TMEM132C: variants seen among roughly 807,000 people sequenced by gnomAD.
The protein encoded by TMEM132C is transmembrane protein 132C.
A neutral mutation model predicts 61.4 loss-of-function variants in TMEM132C; 29 were observed. The ratio of observed to expected loss-of-function variants is 0.47; its 90% CI spans 0.35 to 0.64. The LOEUF is 0.64. TMEM132C is among the 30% of genes least tolerant of loss of function. TMEM132C has a pLI of 0.00. For synonymous variants in TMEM132C, 656 were observed against 633.1 expected (o/e 1.04, Z -0.54); for missense variants, 1,408 against 1,476.9 (o/e 0.95, Z 0.76).
chr12:128,459,547 G>T (rs1870460526), intron 2 of TMEM132C, among the ~76,000 whole-genome samples: 1 of 152,106 alleles, frequency 6.6e-6, no homozygotes, highest in African/African-American at 2.4e-5. Flanking sequence ...GGTGTCATTG[G>T]TGAAAATAAG....
chr12:128,482,522 A>T (rs561262963), intron 2 of TMEM132C, among the ~76,000 whole-genome samples: 1 of 152,018 alleles, frequency 6.6e-6, no homozygotes, highest in Non-Finnish European at 1.5e-5. Context: ...CTCTTTTTCT[A>T]TTGTTTGGAA....
At chr12:128,369,654 A>G (rs1873970801) in intron 1 of TMEM132C, among the ~76,000 whole-genome samples, 1 of 152,172 alleles carries the variant, frequency 6.6e-6, no homozygotes, top group Admixed American at 6.5e-5. Flanking sequence ...CACAGTTATC[A>G]CTCAAAATGA....
At chr12:128,408,270 C>T (rs749589839) in intron 1 of TMEM132C, among the ~76,000 whole-genome samples, 5 of 152,200 alleles carry the variant, frequency 3.3e-5, no homozygotes, top group South Asian at 4.1e-4. Context: ...TAAAAGCAAA[C>T]GGGTTTCCTT....
chr12:128,395,057 A>G (rs1046675665), intron 1 of TMEM132C, among the ~76,000 whole-genome samples: 20 of 151,968 alleles, frequency 1.3e-4, no homozygotes, highest in East Asian at 3.9e-4. Flanking sequence ...GTGTGAGTAC[A>G]TATTTACACA....
At chr12:128,567,836 CT>C (rs1362198681) in intron 3 of TMEM132C, among the ~76,000 whole-genome samples, 4 of 152,200 alleles carry the variant, frequency 2.6e-5, no homozygotes, top group Non-Finnish European at 5.9e-5. Context: ...AGGTTCTAGG[CT>C]ACAATGCCTG....
At chr12:128,613,725 A>G (rs922527258) in intron 3 of TMEM132C, among the ~76,000 whole-genome samples, 26 of 152,240 alleles carry the variant, frequency 1.7e-4, no homozygotes, top group African/African-American at 5.1e-4. Flanking sequence ...CCTTCCCGTT[A>G]TATCCTTCCC....
At chr12:128,455,521 T>A (rs1271518306) in intron 2 of TMEM132C, among the ~76,000 whole-genome samples, 5 of 152,238 alleles carry the variant, frequency 3.3e-5, no homozygotes, top group African/African-American at 7.2e-5. Flanking sequence ...GAAACACCCT[T>A]TCTCCCACTG....
At chr12:128,676,230 A>G (rs1954585451) in intron 5 of TMEM132C, among the ~76,000 whole-genome samples, 3 of 152,162 alleles carry the variant, frequency 2.0e-5, no homozygotes, top group South Asian at 4.1e-4. Flanking sequence ...AACGCACAGA[A>G]TACTCTTGAG....
intron 3 of TMEM132C, among the ~76,000 whole-genome samples, chr12:128,610,680 G>A (rs529202220): frequency 6.6e-6 from 1 of 152,286 alleles, no homozygotes; most frequent in East Asian, 1.9e-4. Context: ...TCAAGGCAAA[G>A]CTTAGCAAAT....
At chr12:128,343,616 C>T (rs1051911233) in intron 1 of TMEM132C, among the ~76,000 whole-genome samples, 8 of 152,050 alleles carry the variant, frequency 5.3e-5, no homozygotes, top group African/African-American at 1.9e-4. Context: ...ACATAATTTA[C>T]ATGCATAAAA....
At chr12:128,546,124 A>G (rs1054035956) in intron 3 of TMEM132C, among the ~76,000 whole-genome samples, 6 of 152,202 alleles carry the variant, frequency 3.9e-5, no homozygotes, top group Admixed American at 2.6e-4. Flanking sequence ...AACCGTCACC[A>G]TCATTACCCC....
At chr12:128,541,087 C>A (rs996012474) in intron 2 of TMEM132C, among the ~76,000 whole-genome samples, 5 of 151,876 alleles carry the variant, frequency 3.3e-5, no homozygotes, top group African/African-American at 9.7e-5. Context: ...GTTCCCATGA[C>A]CTCATCCTCA....
At position 128,630,294 on chromosome 12, in the gene TMEM132C, A is replaced by G. The variant is rs1454380225; in HGVS notation, c.1305+13959A>G. Among the ~76,000 whole-genome samples the G allele has an allele frequency of 6.6e-6, 1 of 152,144 alleles. No homozygotes were observed. The highest frequency in any genetic ancestry group is 1.5e-5 in the Non-Finnish European group (1 of 68,014). ...CGGCCCATGAGGGTCACTAGGGGGCAGGGGCTGGAGCTTCTGGCCACATCC... is the reference window on the plus strand; with the variant it reads ...CGGCCCATGAGGGTCACTAGGGGGCGGGGGCTGGAGCTTCTGGCCACATCC... On this transcript the variant is annotated intron_variant, in intron 4 of 8. Coordinates refer to ENST00000435159, the MANE Select transcript of TMEM132C (RefSeq NM_001136103.3). This position sits in a 1 kb window ranked among gnomAD's most constrained non-coding sequence, Gnocchi z 4.3.
chr12:128,283,895 C>G (rs1358145955), intron 1 of TMEM132C, among the ~76,000 whole-genome samples: 1 of 152,178 alleles, frequency 6.6e-6, no homozygotes, highest in African/African-American at 2.4e-5. Context: ...CACTGTCTGC[C>G]TTGCTGGGCC....
chr12:128,494,679 G>A (rs1424808496), intron 2 of TMEM132C, among the ~76,000 whole-genome samples: 1 of 151,964 alleles, frequency 6.6e-6, no homozygotes, highest in Non-Finnish European at 1.5e-5. Flanking sequence ...TATTTCTGTG[G>A]GATCGGTGGT....
At chr12:128,348,548 T>C (rs1327565504) in intron 1 of TMEM132C, among the ~76,000 whole-genome samples, 1 of 152,232 alleles carries the variant, frequency 6.6e-6, no homozygotes, top group Non-Finnish European at 1.5e-5. Flanking sequence ...CTATGAAGTA[T>C]GATGGCAGCT....
rs1473872323 is a variant in TMEM132C, at chr12:128,697,320, G to A, written c.2026G>A (p.Ala676Thr). The change falls in exon 8 of 9, where the codon GCT becomes ACT. Residue 676 changes from alanine to threonine, a missense_variant. Physicochemically the swap from Ala to Thr is moderately conservative, Grantham distance 58. Coordinates refer to ENST00000435159, the MANE Select transcript of TMEM132C (RefSeq NM_001136103.3). ...SVTDLAIQLVAGLSVALYPNA... is the reference protein window; with the variant it reads ...SVTDLAIQLVTGLSVALYPNA... ...GACAGACTTGGCCATCCAGCTCGTG[G>A]CTGGGCTGTCTGTCGCCCTTTACCC... 2 of 1,551,226 alleles carry A rather than the reference G, an allele frequency of 1.3e-6. No individual in the cohort carries two copies. The highest frequency in any genetic ancestry group is 1.7e-6 in the Non-Finnish European group (2 of 1,146,718).
At chr12:128,650,685 T>A (rs1371574678) in intron 4 of TMEM132C, among the ~76,000 whole-genome samples, 1 of 151,906 alleles carries the variant, frequency 6.6e-6, no homozygotes, top group South Asian at 2.1e-4. Flanking sequence ...GCAGTGAACT[T>A]TTTTGCCACT....
At chr12:128,463,382 G>A (rs776945929) in intron 2 of TMEM132C, among the ~76,000 whole-genome samples, 2 of 152,010 alleles carry the variant, frequency 1.3e-5, no homozygotes, top group Admixed American at 1.3e-4. Context: ...GCAATGACGC[G>A]ATCTCAGCTC....
Sources: gnomAD v4.1 joint callset for allele counts (sites outside exome capture counted in the v4.1 genomes callset) on GRCh38, gnomAD v4.1.1 for gene constraint, Gnocchi (gnomAD v3.1) non-coding constraint, MANE v1.5 for transcripts, NCBI Gene and HGNC (gene_info 2026-07-23, HGNC 2026-07-21) for gene names.